LRRC52: variants seen among roughly 807,000 people sequenced by gnomAD.
The protein encoded by LRRC52 is leucine-rich repeat-containing protein 52.
LRRC52 carries 15 observed loss-of-function variants against 14.7 expected under a neutral mutation model. That is an observed-to-expected ratio of 1.02 (90% CI 0.68 to 1.58). The LOEUF is 1.58. LRRC52 is among the 40% of genes most tolerant of loss of function. The probability of loss-of-function intolerance (pLI) is 0.00; values close to 1 mark genes in which losing one functional copy is unlikely to be tolerated. For synonymous variants in LRRC52, 180 were observed against 163.9 expected (o/e 1.10, Z -0.75); for missense variants, 400 against 387.7 (o/e 1.03, Z -0.27).
rs202095448 is a variant in LRRC52, at chr1:165,563,580, G to A, written c.698G>A (p.Arg233Gln). ...WPITRVGNPL[R>Q]YMCITHLDHK... is the part of the protein sequence containing the mutation. ...ATCACCCGGGTGGGGAACCCACTCC[G>A]ATACATGTGCATCACGCACCTGGAC... Residue 233 changes from arginine to glutamine, a missense_variant, in exon 2 of 2, where the codon CGA (arginine) becomes CAA (glutamine). Transcript: ENST00000294818. 95 of 1,614,204 alleles carry A rather than the reference G, an allele frequency of 5.9e-5. 1 individual carries two copies. Among genetic ancestry groups the A allele is most frequent in the East Asian group, 6.7e-5 (3 of 44,876 alleles).
At chr1:165,562,853 A>G (rs545960219) in intron 1 of LRRC52, among the ~76,000 whole-genome samples, 5 of 115,492 alleles carry the variant, frequency 4.3e-5, no homozygotes, top group Admixed American at 1.7e-4. Flanking sequence ...TGCTTTCCCT[A>G]TTGGCAACCT....
At chr1:165,551,440 T>C (rs551965903) in intron 1 of LRRC52, among the ~76,000 whole-genome samples, 44 of 152,216 alleles carry the variant, frequency 2.9e-4, no homozygotes, top group Admixed American at 5.2e-4. Flanking sequence ...GAGATGCTAA[T>C]GGCTAGTGTT....
At chr1:165,545,699 C>T (rs934101210) in intron 1 of LRRC52, among the ~76,000 whole-genome samples, 10 of 152,134 alleles carry the variant, frequency 6.6e-5, no homozygotes, top group South Asian at 2.1e-4. Context: ...CGGCCTGCCA[C>T]GGCCCCTGTG....
Position 165,544,222 on chromosome 1 carries a change from C to T in LRRC52, c.-75C>T. On this transcript the variant is annotated 5_prime_UTR_variant, in exon 1 of 2. Transcript: ENST00000294818. ...TCCAGAGCCCCTCCCCCGCCCCACC[C>T]CCCCACCGGCAGCCTTCGGATCAGA... The T allele has an allele frequency of 2.2e-6, 3 of 1,364,142 alleles. No individual in the cohort carries two copies. The highest frequency in any genetic ancestry group is 9.9e-7 in the Non-Finnish European group (1 of 1,011,592). 84.5% of individuals were successfully genotyped at this position (1,364,142 alleles called of 1,614,324 possible). A position where few individuals can be genotyped will look rare whatever the true frequency, so the allele number is the denominator to read the frequency against.
intron 1 of LRRC52, among the ~76,000 whole-genome samples, chr1:165,559,059 T>A (rs528644928): frequency 6.7e-4 from 102 of 152,312 alleles, no homozygotes; most frequent in Non-Finnish European, 1.3e-3. Flanking sequence ...CTAACAATTA[T>A]AACTTTGTAT....
Position 165,563,804 on chromosome 1 carries a change from G to A in LRRC52, c.922G>A (p.Glu308Lys), listed in dbSNP as rs967796181. The change falls in exon 2 of 2, where the codon GAG becomes AAG. Residue 308 changes from glutamate to lysine, a missense_variant. Glu to Lys is a moderately conservative substitution (Grantham distance 56, BLOSUM62 1). Transcript: ENST00000294818. ...IFQTQTSSVQ[E>K]FPQLI is the part of the protein sequence containing the mutation. Reference sequence around the variant, plus strand: ...TCAAACCCAGACGAGCTCGGTCCAGGAGTTCCCTCAGCTTATTTAGTTGCC... The same window carrying A: ...TCAAACCCAGACGAGCTCGGTCCAGAAGTTCCCTCAGCTTATTTAGTTGCC... The A allele has an allele frequency of 6.2e-7, 1 of 1,613,972 alleles. No individual in the cohort carries two copies. Among genetic ancestry groups the A allele is most frequent in the African/African-American group, 1.3e-5 (1 of 74,924 alleles).
intron 1 of LRRC52, among the ~76,000 whole-genome samples, chr1:165,547,881 C>T (rs1571105203): frequency 6.6e-6 from 1 of 152,158 alleles, no homozygotes; most frequent in Admixed American, 6.5e-5. Flanking sequence ...CTAGCCAAAC[C>T]TCAATGTAAG....
intron 1 of LRRC52, among the ~76,000 whole-genome samples, chr1:165,552,693 C>G (rs1028415524): frequency 1.3e-5 from 2 of 152,154 alleles, no homozygotes; most frequent in Admixed American, 6.5e-5. Flanking sequence ...ACTTCTGGCA[C>G]AATTCTAATT....
At chr1:165,546,979 G>A (rs780345104) in intron 1 of LRRC52, among the ~76,000 whole-genome samples, 2 of 152,056 alleles carry the variant, frequency 1.3e-5, no homozygotes, top group Non-Finnish European at 2.9e-5. Context: ...CCAGCCGTGG[G>A]ACCCCACACA....
rs931311112 is a variant in LRRC52, at chr1:165,559,856, A to G, written c.623-3649A>G. The stretch of plus-strand genomic sequence containing the variant: ...TAAGAAAGATTTATACAAACAAGTA[A>G]GATAATATTTGCCTAATTATTTCAG... On this transcript the variant is annotated intron_variant, in intron 1 of 1. Transcript: ENST00000294818. Among the ~76,000 whole-genome samples, 3 of 152,256 alleles carry G rather than the reference A, an allele frequency of 2.0e-5. No homozygotes were observed. The East Asian group carries it at 5.8e-4, about 29-fold the overall frequency.
At chr1:165,554,179 C>T (rs1661187844) in intron 1 of LRRC52, among the ~76,000 whole-genome samples, 1 of 152,174 alleles carries the variant, frequency 6.6e-6, no homozygotes, top group South Asian at 2.1e-4. Flanking sequence ...GAACTGCACA[C>T]AGTACATGTT....
intron 1 of LRRC52, among the ~76,000 whole-genome samples, chr1:165,550,346 A>G (rs943530560): frequency 6.6e-6 from 1 of 152,246 alleles, no homozygotes; most frequent in Non-Finnish European, 1.5e-5. Flanking sequence ...AGTTTCTGCA[A>G]CAGGGTAAAT....
intron 1 of LRRC52, among the ~76,000 whole-genome samples, chr1:165,557,607 C>T (rs1377444285): frequency 6.6e-6 from 1 of 151,968 alleles, no homozygotes; most frequent in Non-Finnish European, 1.5e-5. Flanking sequence ...GAATAGGTGG[C>T]AAATCAATTT....
At chr1:165,558,138 G>A (rs1322017437) in intron 1 of LRRC52, among the ~76,000 whole-genome samples, 1 of 152,228 alleles carries the variant, frequency 6.6e-6, no homozygotes, top group Non-Finnish European at 1.5e-5. Flanking sequence ...GTTCTTCCAT[G>A]CATCTGATTC....
intron 1 of LRRC52, among the ~76,000 whole-genome samples, chr1:165,557,192 T>C (rs1201113657): frequency 6.6e-6 from 1 of 152,232 alleles, no homozygotes; most frequent in Non-Finnish European, 1.5e-5. Context: ...CTCTTACCCT[T>C]GTTTCCTTCT....
At chr1:165,545,689 C>T (rs1283219364) in intron 1 of LRRC52, among the ~76,000 whole-genome samples, 2 of 152,122 alleles carry the variant, frequency 1.3e-5, no homozygotes, top group Non-Finnish European at 2.9e-5. Context: ...TGTCCTCACC[C>T]GGCCTGCCAC....
chr1:165,558,903 A>G (rs903956076), intron 1 of LRRC52, among the ~76,000 whole-genome samples: 1 of 152,236 alleles, frequency 6.6e-6, no homozygotes, highest in Non-Finnish European at 1.5e-5. Flanking sequence ...AACGGACGGA[A>G]GAAGATACAC....
chr1:165,546,671 T>C (rs1048135886), intron 1 of LRRC52, among the ~76,000 whole-genome samples: 3 of 152,010 alleles, frequency 2.0e-5, no homozygotes, highest in Non-Finnish European at 2.9e-5. Flanking sequence ...CCACCCCAGA[T>C]GACAAGAGTA....
At chr1:165,552,282 C>G (rs948505438) in intron 1 of LRRC52, among the ~76,000 whole-genome samples, 2 of 152,190 alleles carry the variant, frequency 1.3e-5, no homozygotes, top group Admixed American at 6.5e-5. Context: ...CCTCAGGTCA[C>G]CCAGCATCAC....
Sources: allele counts gnomAD v4.1 joint callset (sites outside exome capture counted in the v4.1 genomes callset), GRCh38; gene constraint gnomAD v4.1.1; transcripts MANE v1.5; gene names NCBI Gene and HGNC (gene_info 2026-07-23, HGNC 2026-07-21).